BLTP1: variants seen among roughly 807,000 people sequenced by gnomAD.
BLTP1 encodes the protein fragile site-associated protein.
the BLTP1 span, chr4:122,239,942 A>G: frequency 6.2e-7 from 1 of 1,614,038 alleles, no homozygotes; most frequent in East Asian, 2.2e-5. Flanking sequence ...AAAAGAAGAA[A>G]AAGCAAACCC....
the BLTP1 span, chr4:122,281,829 T>A: frequency 1.3e-3 from 1,880 of 1,423,936 alleles, 24 homozygotes; most frequent in African/African-American, 0.026. Context: ...TTTGAGAAAT[T>A]AGTAATATTT....
At chr4:122,189,173 TAA>T in the BLTP1 span, 4 of 804,018 alleles carry the variant, frequency 5.0e-6, no homozygotes, top group African/African-American at 1.9e-5. Context: ...ATTTTTCACT[TAA>T]GTGTGGAGAT....
the BLTP1 span, chr4:122,279,657 G>A: frequency 2.2e-3 from 2,544 of 1,167,826 alleles, 6 homozygotes; most frequent in Non-Finnish European, 2.8e-3. Context: ...CATTTTCCAT[G>A]AACTTTTTGA....
chr4:122,180,097 T>C, the BLTP1 span: 6 of 984,932 alleles, frequency 6.1e-6, no homozygotes, highest in South Asian at 2.8e-4. Flanking sequence ...AAACCTAATA[T>C]GTTGAGAATG....
At chr4:122,182,611 G>A in the BLTP1 span, 1 of 983,254 alleles carries the variant, frequency 1.0e-6, no homozygotes, top group South Asian at 4.7e-5. Flanking sequence ...ATTCACAGGA[G>A]CCCTCCATCT....
the BLTP1 span, chr4:122,189,785 T>C: frequency 1.1e-6 from 1 of 902,620 alleles, no homozygotes. Flanking sequence ...TATCATTTTA[T>C]TATTAAGTCC....
the BLTP1 span, among the ~76,000 whole-genome samples, chr4:122,329,669 T>C: frequency 2.0e-4 from 30 of 151,866 alleles, no homozygotes; most frequent in Non-Finnish European, 3.5e-4. Flanking sequence ...TATTGAGATA[T>C]AATTTACATT....
At chr4:122,305,777 A>G in the BLTP1 span, 1 of 1,363,788 alleles carries the variant, frequency 7.3e-7, no homozygotes, top group South Asian at 1.6e-5. Flanking sequence ...AGAAAAATGT[A>G]TTATAGTTTT....
chr4:122,348,680 G>A, the BLTP1 span: 16 of 1,610,450 alleles, frequency 9.9e-6, no homozygotes, highest in African/African-American at 2.7e-5. Context: ...GCAATTAAAC[G>A]TTCAAATGAA....
chr4:122,329,444 G>A, the BLTP1 span, among the ~76,000 whole-genome samples: 18 of 150,816 alleles, frequency 1.2e-4, no homozygotes, highest in Non-Finnish European at 2.2e-4. Context: ...CCAAGTTTGC[G>A]TCTTTTCTAA....
the BLTP1 span, chr4:122,324,635 C>G: frequency 2.5e-5 from 23 of 930,118 alleles, no homozygotes; most frequent in Non-Finnish European, 3.2e-5. Flanking sequence ...ATTAAGATAA[C>G]AAAAATTAAT....
At chr4:122,271,279 C>A in the BLTP1 span, 2 of 1,613,846 alleles carry the variant, frequency 1.2e-6, no homozygotes, top group Non-Finnish European at 1.7e-6. Context: ...TAGATGACAT[C>A]AAAGCAACTC....
the BLTP1 span, chr4:122,347,803 A>T: frequency 1.3e-6 from 2 of 1,562,650 alleles, no homozygotes; most frequent in East Asian, 4.5e-5. Flanking sequence ...TTTTGTTATC[A>T]GTAGCCCTAC....
At chr4:122,342,900 TG>T in the BLTP1 span, among the ~76,000 whole-genome samples, 90 of 152,348 alleles carry the variant, frequency 5.9e-4, no homozygotes, top group Middle Eastern at 0.01. Context: ...TTTATGTTTT[TG>T]GAATTTACCT....
chr4:122,222,658 C>A, the BLTP1 span, among the ~76,000 whole-genome samples: 1 of 152,062 alleles, frequency 6.6e-6, no homozygotes, highest in African/African-American at 2.4e-5. Flanking sequence ...ATTTCTGCCT[C>A]CATCTCGACT....
At chr4:122,229,153 A>T in the BLTP1 span, 8 of 1,608,224 alleles carry the variant, frequency 5.0e-6, no homozygotes, top group Admixed American at 3.4e-5. Context: ...GTCCAACTTC[A>T]GATGATTTGA....
chr4:122,241,749 T>C, the BLTP1 span, among the ~76,000 whole-genome samples: 3 of 152,216 alleles, frequency 2.0e-5, no homozygotes, highest in Non-Finnish European at 4.4e-5. Context: ...AAAATGTCCT[T>C]TTTAGTACAT....
At chr4:122,204,478 A>T in the BLTP1 span, 1 of 939,138 alleles carries the variant, frequency 1.1e-6, no homozygotes, top group Non-Finnish European at 1.3e-6. Context: ...TGAGGCATAG[A>T]AACATTGCAT....
At chr4:122,316,387 C>T in the BLTP1 span, 1 of 474,336 alleles carries the variant, frequency 2.1e-6, no homozygotes, top group Non-Finnish European at 4.4e-6. Flanking sequence ...TGGCCACAAA[C>T]TCACCTTTGG....
Sources: gnomAD v4.1 joint callset for allele counts (sites outside exome capture counted in the v4.1 genomes callset) on GRCh38, gnomAD v4.1.1 for gene constraint, MANE v1.5 for transcripts, NCBI Gene and HGNC (gene_info 2026-07-23, HGNC 2026-07-21) for gene names.